The following LGSN variants were observed in gnomAD, a reference collection of about 807,000 sequenced individuals.
LGSN encodes lengsin.
LGSN carries 21 observed loss-of-function variants against 19.5 expected under a neutral mutation model. The ratio of observed to expected loss-of-function variants is 1.07; its 90% CI spans 0.76 to 1.55. The LOEUF (loss-of-function observed/expected upper bound fraction) is 1.55. Ranked by LOEUF, LGSN falls within the 40% of genes most tolerant of loss-of-function variation. The probability of loss-of-function intolerance (pLI) is 0.00; values close to 1 mark genes in which losing one functional copy is unlikely to be tolerated. For synonymous variants in LGSN, 257 were observed against 215.6 expected, an observed-to-expected ratio of 1.19 and a Z score of -1.68; for missense variants, 673 against 608.5, an observed-to-expected ratio of 1.11 and a Z score of -1.12.
chr6:63,421,283 G>A, the LGSN span, among the ~76,000 whole-genome samples: 3 of 152,012 alleles, frequency 2.0e-5, no homozygotes, highest in African/African-American at 4.8e-5. Context: ...TTAGCCAGGC[G>A]TGATGGCACA....
At chr6:63,387,777 C>T in the LGSN span, among the ~76,000 whole-genome samples, 1 of 151,984 alleles carries the variant, frequency 6.6e-6, no homozygotes, top group Non-Finnish European at 1.5e-5. Flanking sequence ...GCCTCAGTCT[C>T]CCAGGCTCAA....
chr6:63,438,224 C>T, the LGSN span, among the ~76,000 whole-genome samples: 7 of 151,888 alleles, frequency 4.6e-5, no homozygotes, highest in Admixed American at 3.3e-4. Context: ...ACCAGCCTGA[C>T]CTACACGGTG....
the LGSN span, among the ~76,000 whole-genome samples, chr6:63,363,003 A>C: frequency 6.6e-6 from 1 of 152,210 alleles, no homozygotes; most frequent in African/African-American, 2.4e-5. Context: ...AAGCTTCCAG[A>C]GGAAGGATCA....
intron 1 of LGSN, among the ~76,000 whole-genome samples, chr6:63,304,984 A>G (rs1009178836): frequency 6.6e-6 from 1 of 152,204 alleles, no homozygotes; most frequent in Non-Finnish European, 1.5e-5. Context: ...GACCAAAAGA[A>G]GAGAATTGTT....
chr6:63,467,793 G>A, the LGSN span, among the ~76,000 whole-genome samples: 1 of 152,176 alleles, frequency 6.6e-6, no homozygotes, highest in Non-Finnish European at 1.5e-5. Context: ...CCGGGTTCAA[G>A]TGATCCTCCT....
chr6:63,468,528 A>G, the LGSN span, among the ~76,000 whole-genome samples: 318 of 152,168 alleles, frequency 2.1e-3, no homozygotes, highest in African/African-American at 7.4e-3. Context: ...CCTGGGTACA[A>G]GCGATTCTGT....
At position 63,280,806 on chromosome 6, in the gene LGSN, G is replaced by C; in HGVS notation, c.745C>G (p.His249Asp). The C allele has an allele frequency of 6.2e-7, 1 of 1,613,960 alleles. No individual in the cohort carries two copies. The highest frequency in any genetic ancestry group is 8.5e-7 in the Non-Finnish European group (1 of 1,179,898). Reference sequence around the variant, plus strand: ...AAACTCTCGACATTGGCTCCAGTGTGATACAAGCCATCAACAAGTTCCTGC... The same window carrying C: ...AAACTCTCGACATTGGCTCCAGTGTCATACAAGCCATCAACAAGTTCCTGC... ...FMQELVDGLY[H>D]TGANVESFSS... Residue 249 changes from histidine (H) to aspartate (D), a missense_variant, in exon 4 of 4, where the codon CAC becomes GAC. His to Asp is a moderately conservative substitution (Grantham distance 81). Coordinates refer to ENST00000370657, the MANE Select transcript of LGSN (RefSeq NM_016571.3).
chr6:63,434,217 TG>T, the LGSN span, among the ~76,000 whole-genome samples: 1 of 152,024 alleles, frequency 6.6e-6, no homozygotes, highest in African/African-American at 2.4e-5. Context: ...TGTGGGCAGA[TG>T]ACCTGAGGTC....
chr6:63,388,041 T>TA, the LGSN span, among the ~76,000 whole-genome samples: 3,970 of 137,734 alleles, frequency 0.029, 69 homozygotes, highest in South Asian at 0.053. Flanking sequence ...AATTTTTTTG[T>TA]TTTTTTTTTT....
the LGSN span, among the ~76,000 whole-genome samples, chr6:63,345,772 C>T: frequency 6.6e-6 from 1 of 152,114 alleles, no homozygotes; most frequent in Non-Finnish European, 1.5e-5. Flanking sequence ...TGTGGGCAGC[C>T]ATTTGTTCAG....
At chr6:63,323,571 C>T (rs950386685), upstream of LGSN, among the ~76,000 whole-genome samples, 323 of 126,496 alleles carry the variant, frequency 2.6e-3, 3 homozygotes, top group African/African-American at 8.2e-3. Flanking sequence ...CACACACACA[C>T]ACACACACAC....
At chr6:63,509,357 G>A in the LGSN span, among the ~76,000 whole-genome samples, 35 of 148,274 alleles carry the variant, frequency 2.4e-4, no homozygotes, top group South Asian at 6.0e-3. Context: ...GAGCCACCAC[G>A]CCTGGCCAAA....
At chr6:63,435,863 T>C in the LGSN span, among the ~76,000 whole-genome samples, 1 of 149,168 alleles carries the variant, frequency 6.7e-6, no homozygotes, top group African/African-American at 2.5e-5. Flanking sequence ...GTTTTAAGAA[T>C]ATGTATGTGA....
the LGSN span, among the ~76,000 whole-genome samples, chr6:63,478,387 C>T: frequency 6.6e-6 from 1 of 152,176 alleles, no homozygotes; most frequent in East Asian, 1.9e-4. Context: ...CTAATGGATA[C>T]ATGGTTTCTT....
At chr6:63,512,524 T>C in the LGSN span, among the ~76,000 whole-genome samples, 3 of 152,140 alleles carry the variant, frequency 2.0e-5, no homozygotes, top group Non-Finnish European at 4.4e-5. Context: ...ATGGGGAATA[T>C]TTTTCCTGAA....
chr6:63,411,074 A>C, the LGSN span, among the ~76,000 whole-genome samples: 1 of 152,202 alleles, frequency 6.6e-6, no homozygotes, highest in East Asian at 1.9e-4. Context: ...ACTACAGTTC[A>C]TCTCATCTCC....
At chr6:63,485,643 T>A in the LGSN span, among the ~76,000 whole-genome samples, 1 of 152,328 alleles carries the variant, frequency 6.6e-6, no homozygotes, top group South Asian at 2.1e-4. Flanking sequence ...TAATTTAGAC[T>A]CCCACCAACA....
chr6:63,500,061 G>A, the LGSN span, among the ~76,000 whole-genome samples: 4 of 152,130 alleles, frequency 2.6e-5, no homozygotes, highest in African/African-American at 9.7e-5. Context: ...TCACACTGCT[G>A]TTATCATCCC....
At chr6:63,361,380 T>G in the LGSN span, among the ~76,000 whole-genome samples, 1 of 152,172 alleles carries the variant, frequency 6.6e-6, no homozygotes, top group Middle Eastern at 3.2e-3. Flanking sequence ...TCAGCCTCAC[T>G]GCCACCTTGC....
Sources: allele counts gnomAD v4.1 joint callset (sites outside exome capture counted in the v4.1 genomes callset), GRCh38; gene constraint gnomAD v4.1.1; transcripts MANE v1.5; gene names NCBI Gene and HGNC (gene_info 2026-07-23, HGNC 2026-07-21).